Variants in MYH11 observed in about 807,000 individuals in gnomAD.
The protein encoded by MYH11 is myosin-11.
A neutral mutation model predicts 246.6 loss-of-function variants in MYH11; 80 were observed. The ratio of observed to expected loss-of-function variants is 0.32; its 90% CI spans 0.27 to 0.39. The LOEUF (loss-of-function observed/expected upper bound fraction) is 0.39. Ranked by LOEUF, MYH11 falls within the 10% of genes least tolerant of loss-of-function variation. The pLI is 1.00. For synonymous variants in MYH11, 1,071 were observed against 1,015.5 expected (o/e 1.05, Z -1.04); for missense variants, 2,158 against 2,546.8 (o/e 0.85, Z 3.29).
At chr16:15,845,297 G>A (rs921978770) in intron 1 of MYH11, among the ~76,000 whole-genome samples, 3 of 94,714 alleles carry the variant, frequency 3.2e-5, no homozygotes, top group African/African-American at 6.7e-5. Context: ...ATTTTTTCGC[G>A]ATTTTTTTTT....
chr16:15,852,075 C>T (rs1433512929), intron 1 of MYH11, among the ~76,000 whole-genome samples: 1 of 152,162 alleles, frequency 6.6e-6, no homozygotes, highest in African/African-American at 2.4e-5. Context: ...GCCTAAGCTC[C>T]GCCTCCTGTC....
At chr16:15,731,891 C>CTCCCAGGCTCA (rs1350346746) in intron 27 of MYH11, among the ~76,000 whole-genome samples, 2 of 152,008 alleles carry the variant, frequency 1.3e-5, no homozygotes, top group Non-Finnish European at 2.9e-5. Flanking sequence ...CAGGCTCAAA[C>CTCCCAGGCTCA]GATCCTCCCA....
intron 40 of MYH11, among the ~76,000 whole-genome samples, chr16:15,706,659 G>C (rs146811560): frequency 2.6e-5 from 4 of 151,174 alleles, no homozygotes; most frequent in African/African-American, 9.7e-5. Flanking sequence ...GTGAGCCAAC[G>C]TTGTGCCACT....
At chr16:15,835,432 G>C (rs1187416458) in intron 2 of MYH11, among the ~76,000 whole-genome samples, 1 of 152,170 alleles carries the variant, frequency 6.6e-6, no homozygotes, top group African/African-American at 2.4e-5. Context: ...TATGCTTTCT[G>C]AACTCTCCAA....
chr16:15,760,496 G>C, intron 11 of MYH11, 44 bp downstream of exon 11: 1 of 1,369,160 alleles, frequency 7.3e-7, no homozygotes, highest in Non-Finnish European at 1.0e-6. Context: ...TGAATGGATG[G>C]ATGGGTGGGT....
intron 1 of MYH11, among the ~76,000 whole-genome samples, chr16:15,839,771 C>T (rs754280115): frequency 6.6e-6 from 1 of 151,828 alleles, no homozygotes; most frequent in African/African-American, 2.4e-5. Context: ...CAGAGGAGGC[C>T]ATGCACGGTG....
At chr16:15,761,150 G>A (rs959662354) in intron 10 of MYH11, among the ~76,000 whole-genome samples, 10 of 151,878 alleles carry the variant, frequency 6.6e-5, no homozygotes, top group Admixed American at 3.3e-4. Flanking sequence ...TCGCTCTGTC[G>A]CCCAGGCTGG....
intron 3 of MYH11, among the ~76,000 whole-genome samples, chr16:15,808,744 T>G (rs2043071297): frequency 1.3e-5 from 2 of 152,094 alleles, no homozygotes; most frequent in South Asian, 4.2e-4. Flanking sequence ...TTTTTTTTAA[T>G]TAGCTGTGGA....
intron 2 of MYH11, among the ~76,000 whole-genome samples, chr16:15,829,868 C>A (rs561958912): frequency 6.6e-6 from 1 of 152,188 alleles, no homozygotes; most frequent in Non-Finnish European, 1.5e-5. Flanking sequence ...GGCGCAGTGG[C>A]TCACACCTGT....
chr16:15,753,320 T>C, intron 15 of MYH11, 74 bp downstream of exon 15: 1 of 1,328,712 alleles, frequency 7.5e-7, no homozygotes, highest in South Asian at 1.2e-5. Flanking sequence ...GGGGCAGGTG[T>C]GAGAGTCGGG....
chr16:15,790,596 G>A (rs1294833174), intron 4 of MYH11, among the ~76,000 whole-genome samples: 2 of 152,176 alleles, frequency 1.3e-5, no homozygotes, highest in African/African-American at 2.4e-5. Flanking sequence ...TCATAGCTTG[G>A]CTTTTCTGAC....
rs757766831 is a variant in MYH11 at position 15,771,725 on chromosome 16, G to A, written c.890-13C>T. On this transcript the variant is annotated splice_polypyrimidine_tract_variant and intron_variant, in intron 8 of 40. Coordinates refer to ENST00000300036, the MANE Select transcript of MYH11 (RefSeq NM_002474.3). ...AAAAGCAAGTCACCTAGAAGGAGAG[G>A]AAGACAGGTCAGGGTCAATAAGACA... is the stretch of plus-strand genomic sequence containing the variant. 3.7e-6 allele frequency: 6 copies of A among 1,614,106 alleles called. No homozygotes were observed. Among genetic ancestry groups the A allele is most frequent in the East Asian group, 2.2e-5 (1 of 44,882 alleles).
chr16:15,829,461 C>T (rs552083781), intron 2 of MYH11, among the ~76,000 whole-genome samples: 10 of 152,302 alleles, frequency 6.6e-5, no homozygotes, highest in Admixed American at 2.0e-4. Context: ...ACGGCAGGGT[C>T]GTGGGGCTTC....
rs1567690627 is a variant in MYH11, at chr16:15,718,735, G to A, written c.5172-297C>T. On this transcript the variant is annotated intron_variant, in intron 36 of 40. Coordinates refer to ENST00000300036, the MANE Select transcript of MYH11 (RefSeq NM_002474.3). ...TACTTATTGGGAATGAATGAAAGCA[G>A]CCACACCCCCAAACAGGCATGAAAG... 4 of 510,196 alleles carry A rather than the reference G, an allele frequency of 7.8e-6. No individual in the cohort carries two copies. In the East Asian group the frequency reaches 1.1e-4, roughly 13 times the overall value. 31.6% of individuals were successfully genotyped at this position (510,196 alleles called of 1,614,324 possible). A position where few individuals can be genotyped will look rare whatever the true frequency, so the allele number is the denominator to read the frequency against.
intron 31 of MYH11, among the ~76,000 whole-genome samples, chr16:15,722,522 G>GT (rs1293672026): frequency 3.3e-5 from 5 of 152,312 alleles, no homozygotes; most frequent in African/African-American, 1.2e-4. Flanking sequence ...CACACTATGT[G>GT]TGCCACTGCA....
At chr16:15,807,694 G>A (rs1261257690) in intron 3 of MYH11, among the ~76,000 whole-genome samples, 1 of 151,988 alleles carries the variant, frequency 6.6e-6, no homozygotes, top group Non-Finnish European at 1.5e-5. Flanking sequence ...AGATCCCTGG[G>A]GCTCATGTCA....
intron 4 of MYH11, chr16:15,791,317 TATTGCCAAGTCC>T (rs1180979838): frequency 1.3e-5 from 2 of 152,258 alleles, no homozygotes; most frequent in Non-Finnish European, 1.5e-5. Context: ...CAGGGTCGAA[TATTGCCAAGTCC>T]ATTGCAGCCT....
chr16:15,792,358 C>T (rs1288065707), intron 4 of MYH11: 1 of 152,156 alleles, frequency 6.6e-6, no homozygotes, highest in African/African-American at 2.4e-5. Flanking sequence ...CCTATTATTA[C>T]TTTTATAACC....
At chr16:15,780,080 C>A (rs1224124307) in intron 6 of MYH11, among the ~76,000 whole-genome samples, 1 of 152,218 alleles carries the variant, frequency 6.6e-6, no homozygotes, top group Non-Finnish European at 1.5e-5. Context: ...CTCTCCTTCC[C>A]AAGATGGCAG....
Sources: allele counts gnomAD v4.1 joint callset (sites outside exome capture counted in the v4.1 genomes callset), GRCh38; gene constraint gnomAD v4.1.1; transcripts MANE v1.5; gene names NCBI Gene and HGNC (gene_info 2026-07-23, HGNC 2026-07-21).